Variants in BTBD2 observed in about 807,000 individuals in gnomAD.
BTBD2 encodes BTB/POZ domain-containing protein 2.
Under a neutral mutation model 44.0 loss-of-function variants are expected in BTBD2, and 15 were observed. The observed-to-expected ratio is 0.34, with a 90% CI of 0.23 to 0.53. The LOEUF (loss-of-function observed/expected upper bound fraction) is 0.53, where lower values mean the gene tolerates loss of function less well. Among genes scored for constraint, BTBD2 ranks in the 20% least tolerant of loss-of-function variants. BTBD2 has a pLI of 0.95. For synonymous variants in BTBD2, 443 were observed against 335.9 expected (o/e 1.32, Z -3.49); for missense variants, 657 against 746.4 (o/e 0.88, Z 1.39).
In BTBD2 at chr19:1,997,367, G is replaced by A. The variant is rs577597760; in HGVS notation, c.504C>T (p.Pro168=). ...STEIELPDVE[P]AAFLALLKFL... Reference sequence around the variant, plus strand: ...ACTTGAGCAGTGCGAGGAAGGCAGCGGGTTCCACGTCGGGCAGCTCAATCT... The same window carrying A: ...ACTTGAGCAGTGCGAGGAAGGCAGCAGGTTCCACGTCGGGCAGCTCAATCT... Residue 168 remains proline (P), a synonymous_variant, in exon 2 of 9, where the codon CCC becomes CCT. Coordinates refer to ENST00000255608, the MANE Select transcript of BTBD2 (RefSeq NM_017797.4). 2.4e-5 allele frequency: 39 copies of A among 1,614,150 alleles called. No homozygotes were observed. Among genetic ancestry groups the A allele is most frequent in the South Asian group, 2.0e-4 (18 of 91,086 alleles).
At chr19:1,996,105 T>G (rs2016248152) in intron 2 of BTBD2, among the ~76,000 whole-genome samples, 1 of 152,126 alleles carries the variant, frequency 6.6e-6, no homozygotes, top group African/African-American at 2.4e-5. Context: ...AAAAATTATT[T>G]AACCCTATGT....
intron 2 of BTBD2, among the ~76,000 whole-genome samples, chr19:1,995,696 GCA>G (rs2016242243): frequency 1.3e-5 from 2 of 150,094 alleles, no homozygotes; most frequent in African/African-American, 4.9e-5. Context: ...GAGTGCAGTG[GCA>G]TGATCTCAGT....
At chr19:2,010,735 A>T (rs2145652837) in intron 1 of BTBD2, among the ~76,000 whole-genome samples, 1 of 149,968 alleles carries the variant, frequency 6.7e-6, no homozygotes, top group East Asian at 2.0e-4. Context: ...TGCCTTCCGG[A>T]TTCAAGCCAT....
rs150484794 is a variant in BTBD2 at position 1,995,730 on chromosome 19, G to A, written c.527+1614C>T. Among the ~76,000 whole-genome samples the A allele has an allele frequency of 4.2e-3, 624 of 150,210 alleles. 6 individuals carry two copies. The highest frequency in any genetic ancestry group is 0.015 in the African/African-American group (594 of 40,862). The stretch of plus-strand genomic sequence containing the variant: ...CAGTCCACTCCAACCTCCATCTCCC[G>A]GGTTCACGCCATTCTCCTGCCTCAG... On this transcript the variant is annotated intron_variant, in intron 2 of 8. Coordinates refer to ENST00000255608, the MANE Select transcript of BTBD2 (RefSeq NM_017797.4).
At chr19:1,998,796 C>A (rs1399656382) in intron 1 of BTBD2, among the ~76,000 whole-genome samples, 1 of 152,278 alleles carries the variant, frequency 6.6e-6, no homozygotes, top group Admixed American at 6.5e-5. Flanking sequence ...TCAGCAGGGG[C>A]ACAGACGCTG....
In BTBD2 at chr19:2,011,060, T is replaced by G. The variant is rs1440821384; in HGVS notation, c.407+4237A>C. ...GTGACCTTGTTTCAATCATGGAAAC[T>G]GAGGCACAGAGCACTTGGGACACAC... On this transcript the variant is annotated intron_variant, in intron 1 of 8. Coordinates refer to ENST00000255608, the MANE Select transcript of BTBD2 (RefSeq NM_017797.4). Among the ~76,000 whole-genome samples the G allele has an allele frequency of 1.3e-5, 2 of 152,124 alleles. 1 individual carries two copies. The highest frequency in any genetic ancestry group is 2.9e-5 in the Non-Finnish European group (2 of 68,014).
intron 1 of BTBD2, among the ~76,000 whole-genome samples, chr19:1,997,858 T>G (rs1029138388): frequency 6.6e-6 from 1 of 152,250 alleles, no homozygotes; most frequent in Non-Finnish European, 1.5e-5. Context: ...ATTCACTCGC[T>G]CATTCACATG....
chr19:2,011,942 C>T (rs2016470223), intron 1 of BTBD2, among the ~76,000 whole-genome samples: 1 of 152,110 alleles, frequency 6.6e-6, no homozygotes, highest in Non-Finnish European at 1.5e-5. Flanking sequence ...GCAACCTCCG[C>T]CTCCCGGGTT....
At position 1,986,307 on chromosome 19, in the gene BTBD2, C is replaced by T. The variant is rs1170295485; in HGVS notation, c.*181G>A. ...CTCCCCGGCTGCCCTGATCCAGCAGCCACACTCGTGGTGAACACAGGGCAA... is the reference window on the plus strand; with the variant it reads ...CTCCCCGGCTGCCCTGATCCAGCAGTCACACTCGTGGTGAACACAGGGCAA... On this transcript the variant is annotated 3_prime_UTR_variant, in exon 9 of 9. Transcript: ENST00000255608. 1.3e-6 allele frequency: 1 copy of T among 742,466 alleles called. No homozygotes were observed. The highest frequency in any genetic ancestry group is 2.2e-6 in the Non-Finnish European group (1 of 463,290). 46.0% of individuals were successfully genotyped at this position (742,466 alleles called of 1,614,324 possible).
Position 1,986,869 on chromosome 19 carries a change from C to T in BTBD2, c.1377G>A (p.Val459=). 1 of 1,612,430 alleles carries T rather than the reference C, an allele frequency of 6.2e-7. No homozygotes were observed. Among genetic ancestry groups the T allele is most frequent in the Middle Eastern group, 1.7e-4 (1 of 6,054 alleles). The change falls in exon 8 of 9, where the codon GTG becomes GTA. Residue 459 remains valine, a synonymous_variant. Coordinates refer to ENST00000255608, the MANE Select transcript of BTBD2 (RefSeq NM_017797.4). ...AGGCCGTGTAGTTGACGTTGGGCAG[C>T]ACCTCCACCGGCTCCTTGAACATGA... is the stretch of plus-strand genomic sequence containing the variant. The part of the protein sequence containing the change: ...FRVMFKEPVE[V]LPNVNYTACA...
At chr19:1,988,756 A>ACCATG (rs2016130593) in intron 5 of BTBD2, among the ~76,000 whole-genome samples, 1 of 152,028 alleles carries the variant, frequency 6.6e-6, no homozygotes, top group Admixed American at 6.6e-5. Flanking sequence ...GGCATGCGCC[A>ACCATG]CCATGCCCAG....
intron 1 of BTBD2, chr19:2,003,409 G>A (rs2016354169): frequency 6.6e-6 from 1 of 152,072 alleles, no homozygotes; most frequent in Non-Finnish European, 1.5e-5. Flanking sequence ...AGGAGGTGGA[G>A]GTCGCAGTGA....
chr19:1,987,492 A>G lies in BTBD2; in HGVS notation c.1181+8T>C, dbSNP rs369722629. The G allele has an allele frequency of 3.0e-5, 44 of 1,484,518 alleles. No homozygotes were observed. The highest frequency in any genetic ancestry group is 3.7e-5 in the Non-Finnish European group (41 of 1,111,836). 92.0% of individuals were successfully genotyped at this position (1,484,518 alleles called of 1,614,324 possible). Reference sequence around the variant, plus strand: ...TCCGGACCCCCCCGCCTGCACCCCAAGCCCCACCTGATGCGGTCACTGGTC... The same window carrying G: ...TCCGGACCCCCCCGCCTGCACCCCAGGCCCCACCTGATGCGGTCACTGGTC... On this transcript the variant is annotated splice_region_variant and intron_variant, in intron 6 of 8. Coordinates refer to ENST00000255608, the MANE Select transcript of BTBD2 (RefSeq NM_017797.4).
chr19:2,008,589 CTTT>C (rs34228593), intron 1 of BTBD2, among the ~76,000 whole-genome samples: 10 of 126,548 alleles, frequency 7.9e-5, no homozygotes, highest in African/African-American at 2.2e-4. Context: ...CTGTGCCCAG[CTTT>C]TTTTTTTTTT....
intron 1 of BTBD2, among the ~76,000 whole-genome samples, chr19:2,006,052 A>C (rs1053658965): frequency 1.3e-5 from 2 of 151,700 alleles, no homozygotes; most frequent in African/African-American, 4.8e-5. Flanking sequence ...CGAGCCACTG[A>C]ACTCCAGTGT....
chr19:1,986,096 T>G lies in BTBD2; in HGVS notation c.*392A>C. 5.1e-6 allele frequency: 1 copy of G among 194,422 alleles called. No individual in the cohort carries two copies. The highest frequency in any genetic ancestry group is 2.3e-5 in the African/African-American group (1 of 42,676). 12.0% of individuals were successfully genotyped at this position (194,422 alleles called of 1,614,324 possible). A position where few individuals can be genotyped will look rare whatever the true frequency, so the allele number is the denominator to read the frequency against. ...CCCAGGCTGGCTCCTAGCAGAGAAA[T>G]GGGAATCGCAAATGCATTGCAATGT... On this transcript the variant is annotated 3_prime_UTR_variant, in exon 9 of 9. Transcript: ENST00000255608.
rs541001272 is a variant in BTBD2, at chr19:2,012,430, G to A, written c.407+2867C>T. ...CTCCCAAAGTGCTGGGATTCCAGGC[G>A]TGCGCCCCCGCACCCGGCCCCTTAG... On this transcript the variant is annotated intron_variant, in intron 1 of 8. Transcript: ENST00000255608. Among the ~76,000 whole-genome samples, 11 of 152,326 alleles carry A rather than the reference G, an allele frequency of 7.2e-5. No homozygotes were observed. In the East Asian group the frequency reaches 7.7e-4, roughly 11 times the overall value.
Position 2,015,515 on chromosome 19 carries a change from C to T in BTBD2, c.189G>A (p.Pro63=), listed in dbSNP as rs1345130192. 1 of 978,544 alleles carries T rather than the reference C, an allele frequency of 1.0e-6. No homozygotes were observed. The highest frequency in any genetic ancestry group is 1.2e-6 in the Non-Finnish European group (1 of 829,984). The allele number at this position is 978,544 out of a possible 1,614,324, so 60.6% of individuals were successfully genotyped here. A position where few individuals can be genotyped will look rare whatever the true frequency, so the allele number is the denominator to read the frequency against. The change falls in exon 1 of 9, where the codon CCG becomes CCA. Residue 63 remains proline, a synonymous_variant. Transcript: ENST00000255608. ...AAPGPTPPAP[P]GPGTDAQAAG... is the part of the protein sequence containing the mutation. ...CGGCCTGCGCGTCTGTCCCGGGGCC[C>T]GGCGGGGCGGGCGGCGTCGGCCCAG...
intron 5 of BTBD2, 149 bp from the exon 6 acceptor site, chr19:1,987,841 C>T (rs367557322): frequency 2.8e-6 from 2 of 723,526 alleles, no homozygotes; most frequent in South Asian, 1.9e-5. Context: ...GACTAGCCAC[C>T]AGCCATGGCC....
Sources: gnomAD v4.1 joint callset for allele counts (sites outside exome capture counted in the v4.1 genomes callset) on GRCh38, gnomAD v4.1.1 for gene constraint, MANE v1.5 for transcripts, NCBI Gene and HGNC (gene_info 2026-07-23, HGNC 2026-07-21) for gene names.